The following LRP1B variants were observed in gnomAD, a reference collection of about 807,000 sequenced individuals.
The protein encoded by LRP1B is LDL receptor related protein 1B.
LRP1B carries 217 observed loss-of-function variants against 556.6 expected under a neutral mutation model. The ratio of observed to expected loss-of-function variants is 0.39; its 90% confidence interval spans 0.35 to 0.44. LRP1B has a LOEUF of 0.44. Ranked by LOEUF, LRP1B falls within the 20% of genes least tolerant of loss-of-function variation. The pLI is 1.00. For synonymous variants in LRP1B, 2,047 were observed against 1,865.8 expected (o/e 1.10, Z -2.50); for missense variants, 5,053 against 5,620.8 (o/e 0.90, Z 3.23).
intron 31 of LRP1B, among the ~76,000 whole-genome samples, chr2:140,835,688 C>T (rs1033996311): frequency 2.0e-5 from 3 of 152,116 alleles, no homozygotes; most frequent in Non-Finnish European, 4.4e-5. Context: ...CAGGCGCTCG[C>T]CACCACGTCT....
intron 3 of LRP1B, among the ~76,000 whole-genome samples, chr2:141,473,168 A>C (rs5012231): frequency 2.1e-5 from 1 of 48,294 alleles, no homozygotes; most frequent in Non-Finnish European, 5.6e-5. Flanking sequence ...GATGTCTGCA[A>C]AAAAAGCATA....
At chr2:141,418,137 A>G (rs1489252253) in intron 3 of LRP1B, among the ~76,000 whole-genome samples, 1 of 152,108 alleles carries the variant, frequency 6.6e-6, no homozygotes, top group East Asian at 1.9e-4. Context: ...TATATTTTGG[A>G]CATTAACCCT....
rs1465540846 is a variant in LRP1B, at chr2:140,886,320, A to T, written c.3782T>A (p.Phe1261Tyr). The change falls in exon 24 of 91, where the codon TTC becomes TAC. Residue 1261 changes from phenylalanine (F) to tyrosine (Y), a missense_variant. Physicochemically the swap from Phe to Tyr is conservative, Grantham distance 22. This residue lies in a region of LRP1B where 3,619 missense variants were observed against 3,931.9 expected (regional missense o/e 0.92). Transcript: ENST00000389484. ...SCTSVDPFEA[F>Y]IIFSIRHEIR... is the part of the protein sequence containing the mutation. ...CTCATGACGAATAGAAAAGATGATG[A>T]ATGCTTCAAAAGGATCTGAAATTAA... 1 of 1,589,474 alleles carries T rather than the reference A, an allele frequency of 6.3e-7. No individual in the cohort carries two copies. Among genetic ancestry groups the T allele is most frequent in the Non-Finnish European group, 8.6e-7 (1 of 1,165,366 alleles).
intron 35 of LRP1B, among the ~76,000 whole-genome samples, chr2:140,738,033 T>C (rs1056893482): frequency 1.3e-5 from 2 of 152,164 alleles, no homozygotes; most frequent in African/African-American, 4.8e-5. Flanking sequence ...AATTTTGTGC[T>C]TCCTTTCACT....
chr2:140,296,582 G>A (rs904777000), intron 84 of LRP1B, among the ~76,000 whole-genome samples: 1 of 152,094 alleles, frequency 6.6e-6, no homozygotes, highest in African/African-American at 2.4e-5. Context: ...TGAATTTGCC[G>A]AGGCAGTAGG....
chr2:141,354,147 C>T (rs1354520938), intron 3 of LRP1B, among the ~76,000 whole-genome samples: 5 of 151,874 alleles, frequency 3.3e-5, no homozygotes, highest in African/African-American at 9.7e-5. Flanking sequence ...AATCTGTACA[C>T]CAAACCCCCA....
intron 41 of LRP1B, among the ~76,000 whole-genome samples, chr2:140,601,915 G>C (rs1247447114): frequency 6.6e-6 from 1 of 151,978 alleles, no homozygotes; most frequent in Non-Finnish European, 1.5e-5. Context: ...TTTGGAAAAT[G>C]GTGGCTCTCT....
chr2:141,089,480 G>A (rs1015188718), intron 7 of LRP1B, among the ~76,000 whole-genome samples: 2 of 152,158 alleles, frequency 1.3e-5, no homozygotes, highest in Non-Finnish European at 2.9e-5. Flanking sequence ...GTAACATAAA[G>A]CTGTTCATGT....
intron 10 of LRP1B, among the ~76,000 whole-genome samples, chr2:141,052,632 T>G (rs2105451473): frequency 6.6e-6 from 1 of 152,198 alleles, no homozygotes; most frequent in African/African-American, 2.4e-5. Flanking sequence ...TCTTACGAAC[T>G]GTGACATCGA....
intron 2 of LRP1B, among the ~76,000 whole-genome samples, chr2:141,516,073 A>T (rs1270576772): frequency 2.0e-5 from 3 of 152,186 alleles, no homozygotes; most frequent in Admixed American, 1.3e-4. Context: ...TTTTGGAGTA[A>T]TGTGATGCTT....
intron 1 of LRP1B, among the ~76,000 whole-genome samples, chr2:142,059,512 C>T (rs1336934213): frequency 2.7e-5 from 4 of 149,358 alleles, no homozygotes; most frequent in African/African-American, 9.8e-5. Context: ...CAACCCTTAC[C>T]TAATCCTGCA....
chr2:140,669,278 A>G lies in LRP1B; in HGVS notation c.6799+30972T>C, dbSNP rs151317493. Among the ~76,000 whole-genome samples, 183 of 152,340 alleles carry G rather than the reference A, an allele frequency of 1.2e-3. 3 individuals carry two copies. The highest frequency in any genetic ancestry group is 5.2e-3 in the South Asian group (25 of 4,826). ...GTAAAGACAATATTTTTACAAACCA[A>G]AAAGTGTTATTATTTACACACAGTA... On this transcript the variant is annotated intron_variant, in intron 41 of 90. Transcript: ENST00000389484.
chr2:140,885,033 A>G (rs1012843160), intron 24 of LRP1B, among the ~76,000 whole-genome samples: 3 of 152,144 alleles, frequency 2.0e-5, no homozygotes, highest in African/African-American at 7.2e-5. Context: ...TCATTTTTAA[A>G]TACCTTTTCT....
chr2:140,930,907 A>G (rs991526243), intron 20 of LRP1B, among the ~76,000 whole-genome samples: 26 of 152,114 alleles, frequency 1.7e-4, no homozygotes, highest in African/African-American at 6.3e-4. Context: ...GCACATCCAT[A>G]GCCTCATTCT....
chr2:141,266,398 G>C (rs1193612310), intron 3 of LRP1B, among the ~76,000 whole-genome samples: 2 of 150,856 alleles, frequency 1.3e-5, no homozygotes, highest in African/African-American at 4.9e-5. Context: ...TTCTTGTCTG[G>C]AAATTTCAAT....
intron 1 of LRP1B, among the ~76,000 whole-genome samples, chr2:141,912,068 T>G (rs187716786): frequency 3.3e-5 from 5 of 152,326 alleles, no homozygotes; most frequent in Non-Finnish European, 7.4e-5. Context: ...GGGACATAGC[T>G]ATCATATTTC....
chr2:142,056,540 T>C (rs1704679126), intron 1 of LRP1B, among the ~76,000 whole-genome samples: 1 of 152,142 alleles, frequency 6.6e-6, no homozygotes, highest in African/African-American at 2.4e-5. Context: ...CTGGATGTAA[T>C]ACAAAGACAT....
chr2:141,338,092 G>A (rs780777958), intron 3 of LRP1B, among the ~76,000 whole-genome samples: 27 of 152,144 alleles, frequency 1.8e-4, no homozygotes, highest in Non-Finnish European at 3.4e-4. Flanking sequence ...TCACTTTGAA[G>A]CCTTTGAAAT....
chr2:140,919,035 G>A (rs966954765), intron 21 of LRP1B, among the ~76,000 whole-genome samples: 16 of 151,606 alleles, frequency 1.1e-4, no homozygotes, highest in Admixed American at 8.6e-4. Context: ...TTTTCTTTTC[G>A]AGGGTCTCAA....
Sources: gnomAD v4.1 joint callset for allele counts (sites outside exome capture counted in the v4.1 genomes callset) on GRCh38, gnomAD v4.1.1 for gene constraint, gnomAD v4.1.1 regional missense constraint, MANE v1.5 for transcripts, NCBI Gene and HGNC (gene_info 2026-07-23, HGNC 2026-07-21) for gene names.